The following XIAP variants were observed in gnomAD, a reference collection of about 807,000 sequenced individuals.
XIAP encodes E3 ubiquitin-protein ligase XIAP.
Under a neutral mutation model 33.1 loss-of-function variants are expected in XIAP, and 3 were observed. The observed-to-expected ratio is 0.09, with a 90% CI of 0.04 to 0.23. The LOEUF (loss-of-function observed/expected upper bound fraction) is 0.23, where lower values mean the gene tolerates loss of function less well. XIAP is among the 10% of genes least tolerant of loss of function. XIAP has a pLI of 1.00. For synonymous variants in XIAP, 98 were observed against 121.3 expected, an observed-to-expected ratio of 0.81 and a Z score of 1.26; for missense variants, 264 against 363.0, an observed-to-expected ratio of 0.73 and a Z score of 2.22.
chrX:123,895,046 C>T (rs1043508474), intron 5 of XIAP, among the ~76,000 whole-genome samples: 16 of 111,757 alleles, frequency 1.4e-4, no homozygotes, highest in African/African-American at 4.2e-4. Context: ...CTACCCACTA[C>T]GCAGTGAGTG....
intron 1 of XIAP, among the ~76,000 whole-genome samples, chrX:123,870,466 C>T (rs752772960): frequency 8.9e-6 from 1 of 111,791 alleles, no homozygotes; most frequent in African/African-American, 3.3e-5. Context: ...AAATTAAAAC[C>T]TAGACAGAAG....
intron 2 of XIAP, among the ~76,000 whole-genome samples, chrX:123,887,991 AAATAAT>A (rs752606695): frequency 7.1e-5 from 7 of 98,401 alleles, no homozygotes; most frequent in Non-Finnish European, 1.0e-4. Context: ...TCTCAGAAAA[AAATAAT>A]AATAATTAAT....
chrX:123,899,142 A>AT lies in XIAP; in HGVS notation c.1100-1351_1100-1350insT, dbSNP rs1265923512. 1.8e-3 allele frequency among the ~76,000 whole-genome samples: 109 copies of AT among 59,374 alleles called. 5 individuals are homozygous for AT. Among genetic ancestry groups the AT allele is most frequent in the African/African-American group, 1.5e-3 (22 of 15,137 alleles). The allele number at this position is 59,374 out of a possible 115,157, so 51.6% of individuals were successfully genotyped here. A position where few individuals can be genotyped will look rare whatever the true frequency, so the allele number is the denominator to read the frequency against. On this transcript the variant is annotated intron_variant, in intron 5 of 6. Transcript: ENST00000371199. ...CTCAAAAAAAAAAAAAAAAAAAAAA[A>AT]AAATATATATATATATATATATATG...
chrX:123,883,208 G>A (rs932579137), intron 1 of XIAP, among the ~76,000 whole-genome samples: 1 of 108,945 alleles, frequency 9.2e-6, no homozygotes, highest in Non-Finnish European at 1.9e-5. Context: ...TCAGCCTTCC[G>A]AGTAGCTGGG....
At chrX:123,860,033 A>G (rs916728423), upstream of XIAP, 2 of 320,430 alleles carry the variant, frequency 6.2e-6, no homozygotes, top group Non-Finnish European at 1.2e-5. Context: ...AGACTGACGG[A>G]CCGCGCCCGG....
rs199683465 is a variant in XIAP at position 123,891,304 on chromosome X, TGAG to T, written c.1048_1050del (p.Glu350del). On this transcript the variant is annotated inframe_deletion, in exon 4 of 7. Coordinates refer to ENST00000371199, the MANE Select transcript of XIAP (RefSeq NM_001167.4). The stretch of plus-strand genomic sequence containing the variant: ...ACAATATTCATTTAACTCATTCACT[TGAG>T]GAGTGTCTGGTAAGTCTCATATAAT... 653 of 1,066,224 alleles carry T rather than the reference TGAG, an allele frequency of 6.1e-4. 12 individuals carry two copies. In the East Asian group the frequency reaches 0.019, roughly 32 times the overall value. 87.9% of individuals were successfully genotyped at this position (1,066,224 alleles called of 1,213,427 possible).
rs774062590 is a variant in XIAP, at chrX:123,885,989, T to C, written c.327T>C (p.Gly109=). 1.7e-6 allele frequency: 2 copies of C among 1,210,228 alleles called. No individual in the cohort carries two copies. The highest frequency in any genetic ancestry group is 4.4e-5 in the Admixed American group (2 of 45,673). Residue 109 remains glycine, a synonymous_variant, in exon 2 of 7, where the codon GGT becomes GGC. Transcript: ENST00000371199. ...ENSATQSTNS[G]IQNGQYKVEN... is the part of the protein sequence containing the mutation. ...GTGCCACGCAGTCTACAAATTCTGG[T>C]ATCCAGAATGGTCAGTACAAAGTTG... is the stretch of plus-strand genomic sequence containing the variant.
At chrX:123,903,627 T>TG (rs1569479487) in intron 6 of XIAP, among the ~76,000 whole-genome samples, 1 of 67,684 alleles carries the variant, frequency 1.5e-5, no homozygotes, top group African/African-American at 5.8e-5. Flanking sequence ...CAGTTTTTTT[T>TG]TTTGTTTTGT....
At chrX:123,875,073 A>C (rs1459263579) in intron 1 of XIAP, among the ~76,000 whole-genome samples, 2 of 97,557 alleles carry the variant, frequency 2.1e-5, no homozygotes, top group Admixed American at 1.2e-4. Flanking sequence ...CCCAGGCTGG[A>C]GTACGATGGC....
intron 6 of XIAP, among the ~76,000 whole-genome samples, chrX:123,901,680 AATG>A (rs1468232293): frequency 8.9e-6 from 1 of 112,055 alleles, no homozygotes; most frequent in Non-Finnish European, 1.9e-5. Flanking sequence ...TATGAACATT[AATG>A]ATATTTAAAA....
At chrX:123,876,785 A>C (rs1478607262) in intron 1 of XIAP, among the ~76,000 whole-genome samples, 4 of 112,141 alleles carry the variant, frequency 3.6e-5, no homozygotes, top group Non-Finnish European at 7.5e-5. Flanking sequence ...ACATATTTCT[A>C]TCAATGTTAG....
At chrX:123,889,054 G>A (rs1281065020) in intron 3 of XIAP, among the ~76,000 whole-genome samples, 2 of 105,245 alleles carry the variant, frequency 1.9e-5, no homozygotes, top group Non-Finnish European at 3.9e-5. Context: ...GAGTAGCTGG[G>A]ATTACAGGCA....
chrX:123,868,557 C>A (rs978254984), intron 1 of XIAP, among the ~76,000 whole-genome samples: 1 of 110,634 alleles, frequency 9.0e-6, no homozygotes, highest in Non-Finnish European at 1.9e-5. Context: ...TGGTAAAATG[C>A]TATCTCTACT....
chrX:123,866,601 T>G (rs1459514871), intron 1 of XIAP, among the ~76,000 whole-genome samples: 1 of 102,469 alleles, frequency 9.8e-6, no homozygotes, highest in East Asian at 2.9e-4. Context: ...GTATAATATA[T>G]TATATATAAT....
chrX:123,885,761 T>G lies in XIAP; in HGVS notation c.99T>G (p.Phe33Leu), dbSNP rs1467313254. The change falls in exon 2 of 7, where the codon TTT becomes TTG. Residue 33 changes from phenylalanine to leucine, a missense_variant. Phe to Leu is a conservative substitution (Grantham distance 22, BLOSUM62 0). Coordinates refer to ENST00000371199, the MANE Select transcript of XIAP (RefSeq NM_001167.4). The part of the protein sequence containing the change: ...FVEEFNRLKT[F>L]ANFPSGSPVS... ...AAGAGTTTAATAGATTAAAAACTTT[T>G]GCTAATTTTCCAAGTGGTAGTCCTG... is the stretch of plus-strand genomic sequence containing the variant. 8.3e-7 allele frequency: 1 copy of G among 1,210,286 alleles called. No individual in the cohort carries two copies. Among genetic ancestry groups the G allele is most frequent in the Non-Finnish European group, 1.1e-6 (1 of 895,344 alleles).
At position 123,912,299 on chromosome X, in the gene XIAP, G is replaced by A. The variant is rs1193013601; in HGVS notation, c.*5118G>A. The A allele has an allele frequency of 3.3e-6, 1 of 305,541 alleles. No homozygotes were observed. The highest frequency in any genetic ancestry group is 3.0e-5 in the African/African-American group (1 of 33,605). The allele number at this position is 305,541 out of a possible 1,213,427, so 25.2% of individuals were successfully genotyped here. A position where few individuals can be genotyped will look rare whatever the true frequency, so the allele number is the denominator to read the frequency against. Reference sequence around the variant, plus strand: ...GCCAAAATTGTCATACTGTTGTTAAGCAACAGTATAACAACTATTTACATA... The same window carrying A: ...GCCAAAATTGTCATACTGTTGTTAAACAACAGTATAACAACTATTTACATA... On this transcript the variant is annotated 3_prime_UTR_variant, in exon 7 of 7. Transcript: ENST00000371199.
chrX:123,901,062 A>T (rs1444962783), intron 6 of XIAP, among the ~76,000 whole-genome samples: 1 of 103,314 alleles, frequency 9.7e-6, no homozygotes, highest in Non-Finnish European at 2.0e-5. Flanking sequence ...TACTTTTAGG[A>T]ACACTAATCC....
rs150056280 is a variant in XIAP, at chrX:123,890,940, CA to C, written c.978-283del. Among the ~76,000 whole-genome samples, 641 of 77,984 alleles carry C rather than the reference CA, an allele frequency of 8.2e-3. 4 individuals are homozygous for C. Among genetic ancestry groups the C allele is most frequent in the African/African-American group, 0.023 (494 of 21,271 alleles). The allele number at this position is 77,984 out of a possible 115,157, so 67.7% of individuals were successfully genotyped here. Reference sequence around the variant, plus strand: ...TGGGTGACAGAGCGAGACTCTGTCTCAAAAAAAAAAAAAAATAACAAAAGTC... The same window carrying C: ...TGGGTGACAGAGCGAGACTCTGTCTCAAAAAAAAAAAAAATAACAAAAGTC... On this transcript the variant is annotated intron_variant, in intron 3 of 6. Transcript: ENST00000371199.
At chrX:123,888,508 G>A in intron 2 of XIAP, 111 bp from the exon 3 acceptor site, 3 of 653,998 alleles carry the variant, frequency 4.6e-6, no homozygotes, top group Non-Finnish European at 7.6e-6. Context: ...CTTGTTTTAA[G>A]CTGTGAGATT....
Sources: gnomAD v4.1 joint callset for allele counts (sites outside exome capture counted in the v4.1 genomes callset) on GRCh38, gnomAD v4.1.1 for gene constraint, MANE v1.5 for transcripts, NCBI Gene and HGNC (gene_info 2026-07-23, HGNC 2026-07-21) for gene names.